ITPR1: variants seen among roughly 807,000 people sequenced by gnomAD.
ITPR1 encodes the protein inositol 1,4,5-trisphosphate receptor type 1.
A neutral mutation model predicts 318.4 loss-of-function variants in ITPR1; 96 were observed. The ratio of observed to expected loss-of-function variants is 0.30; its 90% CI spans 0.26 to 0.36. The LOEUF is 0.36. Ranked by LOEUF, ITPR1 falls within the 10% of genes least tolerant of loss-of-function variation. ITPR1 has a pLI of 1.00. For missense variants in ITPR1, 2,440 were observed against 3,460.2 expected, an observed-to-expected ratio of 0.71 and a Z score of 7.40; for synonymous variants, 1,312 against 1,289.9, an observed-to-expected ratio of 1.02 and a Z score of -0.37.
chr3:4,631,910 C>A (rs940670555), intron 5 of ITPR1, among the ~76,000 whole-genome samples: 1 of 152,152 alleles, frequency 6.6e-6, no homozygotes, highest in Non-Finnish European at 1.5e-5. Context: ...CCTTAGCCTC[C>A]CAGAGTGCTA....
At chr3:4,702,418 G>C (rs150030790) in intron 35 of ITPR1, among the ~76,000 whole-genome samples, 38 of 152,202 alleles carry the variant, frequency 2.5e-4, no homozygotes, top group African/African-American at 9.2e-4. Flanking sequence ...GGAACTTTGG[G>C]GTCAGTCTGC....
chr3:4,670,706 T>C, intron 19 of ITPR1, 23 bp from the exon 20 acceptor site: 1 of 1,497,286 alleles, frequency 6.7e-7, no homozygotes, highest in Admixed American at 1.9e-5. Context: ...TAGTAACTTT[T>C]CCCTCCTCCT....
chr3:4,553,569 T>G (rs2085793089), intron 4 of ITPR1, among the ~76,000 whole-genome samples: 1 of 151,444 alleles, frequency 6.6e-6, no homozygotes, highest in Non-Finnish European at 1.5e-5. Context: ...TAGCTGGGAC[T>G]ACAAGCGCGT....
At chr3:4,571,974 A>G (rs902400551) in intron 4 of ITPR1, among the ~76,000 whole-genome samples, 2 of 152,194 alleles carry the variant, frequency 1.3e-5, no homozygotes, top group African/African-American at 4.8e-5. Context: ...ATTTAGGGAT[A>G]TGAATTAGAC....
At chr3:4,775,562 G>C in intron 47 of ITPR1, 120 bp downstream of exon 47, 1 of 706,894 alleles carries the variant, frequency 1.4e-6, no homozygotes, top group Non-Finnish European at 2.4e-6. Context: ...AGTAGGACAG[G>C]AGGCTGTCTT....
intron 36 of ITPR1, among the ~76,000 whole-genome samples, chr3:4,705,580 G>A (rs906922767): frequency 1.3e-5 from 2 of 152,188 alleles, no homozygotes; most frequent in Non-Finnish European, 1.5e-5. Context: ...TGACAGTCTT[G>A]ACAAGTACTA....
intron 44 of ITPR1, among the ~76,000 whole-genome samples, chr3:4,756,643 C>T (rs2045015524): frequency 6.6e-6 from 1 of 152,116 alleles, no homozygotes; most frequent in African/African-American, 2.4e-5. Context: ...CATCCACGTT[C>T]CCACAAAAGA....
In ITPR1 at chr3:4,532,717, G is replaced by A. The variant is rs142748882; in HGVS notation, c.163+11623G>A. Among the ~76,000 whole-genome samples the A allele has an allele frequency of 3.5e-3, 539 of 152,266 alleles. 7 individuals carry two copies. The highest frequency in any genetic ancestry group is 0.013 in the African/African-American group (529 of 41,548). On this transcript the variant is annotated intron_variant, in intron 4 of 61. Transcript: ENST00000649015. ...GTTGTCATGCTCCTGCAAGGCTCTC[G>A]GGAGCCACTGACTGTTATCTTCCCT...
At chr3:4,653,961 A>C in intron 12 of ITPR1, 75 bp downstream of exon 12, 2 of 1,050,298 alleles carry the variant, frequency 1.9e-6, no homozygotes, top group Non-Finnish European at 2.9e-6. Flanking sequence ...CATTTAAGAA[A>C]CTGTCACTGT....
At chr3:4,806,718 T>C (rs960525575) in intron 55 of ITPR1, among the ~76,000 whole-genome samples, 3 of 152,182 alleles carry the variant, frequency 2.0e-5, no homozygotes, top group East Asian at 3.9e-4. Flanking sequence ...CCGGGATTCA[T>C]GATCATGAGC....
chr3:4,501,033 A>T (rs9845215), intron 2 of ITPR1, among the ~76,000 whole-genome samples: 2,063 of 151,046 alleles, frequency 0.014, 50 homozygotes, highest in African/African-American at 0.047. Context: ...TAAAAAAAAA[A>T]TTTTTTTTTG....
chr3:4,744,066 C>A (rs1374120671), intron 44 of ITPR1, among the ~76,000 whole-genome samples: 1 of 152,122 alleles, frequency 6.6e-6, no homozygotes, highest in African/African-American at 2.4e-5. Context: ...GAGCTCCAGA[C>A]GTCAAGTGAT....
rs374840135 is a variant in ITPR1 at position 4,585,746 on chromosome 3, C to CT, written c.164-42007dup. Reference sequence around the variant, plus strand: ...GCCACCGCACCCAGCCTAACATGCACTTTTTTTTTTAACTGTGTAATTCTT... The same window carrying CT: ...GCCACCGCACCCAGCCTAACATGCACTTTTTTTTTTTAACTGTGTAATTCTT... On this transcript the variant is annotated intron_variant, in intron 4 of 61. Transcript: ENST00000649015. Among the ~76,000 whole-genome samples the CT allele has an allele frequency of 3.3e-3, 497 of 149,730 alleles. 1 individual carries two copies. The highest frequency in any genetic ancestry group is 0.011 in the African/African-American group (440 of 40,992).
At chr3:4,553,438 T>G (rs1381739555) in intron 4 of ITPR1, among the ~76,000 whole-genome samples, 1 of 152,004 alleles carries the variant, frequency 6.6e-6, no homozygotes, top group Non-Finnish European at 1.5e-5. Flanking sequence ...TTGTTATTAT[T>G]ATTTTGTTTT....
intron 10 of ITPR1, among the ~76,000 whole-genome samples, chr3:4,648,702 C>T (rs956699669): frequency 4.6e-4 from 70 of 152,192 alleles, no homozygotes; most frequent in African/African-American, 1.5e-3. Flanking sequence ...CCCAGCTACT[C>T]GGGAGGCTGA....
chr3:4,495,723 A>G (rs1575294033), intron 2 of ITPR1, among the ~76,000 whole-genome samples: 1 of 152,350 alleles, frequency 6.6e-6, no homozygotes, highest in African/African-American at 2.4e-5. Flanking sequence ...GCAGGTGAAG[A>G]AACTGAGGTG....
At chr3:4,817,953 C>G (rs2049416949) in intron 59 of ITPR1, 129 bp from the exon 60 acceptor site, 1 of 679,426 alleles carries the variant, frequency 1.5e-6, no homozygotes, top group Admixed American at 3.1e-5. Flanking sequence ...ATAAGGCCGA[C>G]AGAATCCAAC....
At chr3:4,813,437 T>C (rs2049072002) in intron 57 of ITPR1, among the ~76,000 whole-genome samples, 1 of 152,178 alleles carries the variant, frequency 6.6e-6, no homozygotes, top group African/African-American at 2.4e-5. Context: ...AGCCGATTTA[T>C]ACTGAGTGCC....
chr3:4,765,437 G>A (rs1490604415), intron 44 of ITPR1, among the ~76,000 whole-genome samples: 1 of 152,210 alleles, frequency 6.6e-6, no homozygotes, highest in African/African-American at 2.4e-5. Flanking sequence ...GTCGACGATG[G>A]AAATCTGGTG....
Sources: gnomAD v4.1 joint callset for allele counts (sites outside exome capture counted in the v4.1 genomes callset) on GRCh38, gnomAD v4.1.1 for gene constraint, MANE v1.5 for transcripts, NCBI Gene and HGNC (gene_info 2026-07-23, HGNC 2026-07-21) for gene names.